The following KIAA0319L variants were observed in gnomAD, a reference collection of about 807,000 sequenced individuals.
KIAA0319L encodes dyslexia-associated protein KIAA0319-like protein.
In KIAA0319L, 55 loss-of-function variants were observed where a neutral mutation model predicts 120.1. The ratio of observed to expected loss-of-function variants is 0.46; its 90% CI spans 0.37 to 0.57. The LOEUF is 0.57. KIAA0319L is among the 20% of genes least tolerant of loss of function. KIAA0319L has a pLI of 0.00. For synonymous variants in KIAA0319L, 398 were observed against 471.9 expected (o/e 0.84, Z 2.03); for missense variants, 1,049 against 1,255.3 (o/e 0.84, Z 2.48).
intron 8 of KIAA0319L, among the ~76,000 whole-genome samples, chr1:35,461,977 TCAAAA>T (rs200765617): frequency 9.9e-5 from 15 of 151,998 alleles, no homozygotes; most frequent in East Asian, 1.9e-4. Flanking sequence ...TCTCAAAAAA[TCAAAA>T]CAAAACAAAA....
intron 16 of KIAA0319L, 44 bp from the exon 17 acceptor site, chr1:35,444,347 ACCTGCAG>A: frequency 6.6e-7 from 1 of 1,522,360 alleles, no homozygotes. Context: ...AGCGGTCCAT[ACCTGCAG>A]CAACAGCTAA....
chr1:35,529,514 G>A (rs1284573427), intron 2 of KIAA0319L, among the ~76,000 whole-genome samples: 8 of 152,130 alleles, frequency 5.3e-5, no homozygotes, highest in African/African-American at 1.7e-4. Flanking sequence ...TGAATTATCT[G>A]TTTTTCCCTG....
chr1:35,450,229 C>T, intron 14 of KIAA0319L, 129 bp downstream of exon 14: 1 of 1,115,690 alleles, frequency 9.0e-7, no homozygotes, highest in East Asian at 2.4e-5. Context: ...CAAGTCACTT[C>T]ACCTCCCTGG....
At chr1:35,441,229 G>T in intron 19 of KIAA0319L, 91 bp from the exon 20 acceptor site, 1 of 1,098,416 alleles carries the variant, frequency 9.1e-7, no homozygotes, top group Non-Finnish European at 1.4e-6. Context: ...GCCCTATTTT[G>T]GTGGGGCACC....
chr1:35,454,073 A>T (rs1297767537), intron 11 of KIAA0319L, among the ~76,000 whole-genome samples: 3 of 152,170 alleles, frequency 2.0e-5, no homozygotes, highest in Non-Finnish European at 4.4e-5. Context: ...GAATGGCAAA[A>T]ACCGCAATTA....
Position 35,496,991 on chromosome 1 carries a change from T to A in KIAA0319L, c.666+9621A>T, listed in dbSNP as rs530337083. ...AAAAAGCAGCTACTGGCATATGTTA[T>A]GACATGAATGGACATAAAAACATTA... On this transcript the variant is annotated intron_variant, in intron 3 of 20. Coordinates refer to ENST00000325722, the MANE Select transcript of KIAA0319L (RefSeq NM_024874.5). 4.9e-4 allele frequency among the ~76,000 whole-genome samples: 73 copies of A among 147,850 alleles called. 1 individual carries two copies. Among genetic ancestry groups the A allele is most frequent in the Admixed American group, 1.3e-3 (19 of 14,832 alleles).
In KIAA0319L at chr1:35,479,044, G is replaced by A. The variant is rs1644030351; in HGVS notation, c.835C>T (p.Gln279Ter). The stretch of plus-strand genomic sequence containing the variant: ...TAACTGTAGGAGGGAGCCACTGGCT[G>A]GGGGACAGCAATCTGGGTTTTCTCA... Reference protein sequence around the residue: ...SSEKTQIAVPQPVAPSYSYAT... With the variant: ...SSEKTQIAVP The change falls in exon 4 of 21, where the codon CAG becomes TAG. Residue 279 changes from glutamine to a stop codon, truncating the protein, a stop_gained. Coordinates refer to ENST00000325722, the MANE Select transcript of KIAA0319L (RefSeq NM_024874.5). LOFTEE classifies it high-confidence loss of function. The A allele has an allele frequency of 6.2e-7, 1 of 1,614,016 alleles. No homozygotes were observed. Among genetic ancestry groups the A allele is most frequent in the Non-Finnish European group, 8.5e-7 (1 of 1,179,982 alleles).
chr1:35,486,376 G>GAAAA (rs899924972), intron 3 of KIAA0319L, among the ~76,000 whole-genome samples: 6 of 52,062 alleles, frequency 1.2e-4, no homozygotes, highest in African/African-American at 2.9e-4. Flanking sequence ...CCTGTCTCAA[G>GAAAA]AAAAAAAAAA....
intron 3 of KIAA0319L, among the ~76,000 whole-genome samples, chr1:35,499,443 G>T (rs1439380447): frequency 3.9e-5 from 6 of 152,068 alleles, no homozygotes; most frequent in Admixed American, 2.0e-4. Flanking sequence ...ATGCAGACTG[G>T]CCCCTCACTA....
intron 6 of KIAA0319L, among the ~76,000 whole-genome samples, chr1:35,468,378 G>C (rs545974376): frequency 1.3e-5 from 2 of 152,100 alleles, no homozygotes; most frequent in Admixed American, 6.6e-5. Context: ...CACTCTCCCT[G>C]GTTGATTTTA....
intron 3 of KIAA0319L, among the ~76,000 whole-genome samples, chr1:35,495,165 G>C (rs1208446315): frequency 6.6e-6 from 1 of 152,112 alleles, no homozygotes; most frequent in Non-Finnish European, 1.5e-5. Context: ...CTGAGGTCAG[G>C]AGTTTGAGAC....
chr1:35,447,034 T>C (rs1009079732), intron 16 of KIAA0319L, among the ~76,000 whole-genome samples: 1 of 152,196 alleles, frequency 6.6e-6, no homozygotes, highest in Non-Finnish European at 1.5e-5. Flanking sequence ...TCACATTTGC[T>C]ATCTCACTCA....
chr1:35,443,248 CTTG>C (rs1641360025), intron 17 of KIAA0319L: 1 of 538,218 alleles, frequency 1.9e-6, no homozygotes, highest in Non-Finnish European at 3.3e-6. Context: ...CCTGTCTTCA[CTTG>C]TTGTTTGTCT....
intron 3 of KIAA0319L, among the ~76,000 whole-genome samples, chr1:35,493,946 T>C (rs930416176): frequency 4.6e-5 from 7 of 152,166 alleles, no homozygotes; most frequent in African/African-American, 1.4e-4. Context: ...AGAGATACAC[T>C]GTGCTCATGG....
At chr1:35,436,168 C>G (rs995771430) in intron 20 of KIAA0319L, among the ~76,000 whole-genome samples, 2 of 152,182 alleles carry the variant, frequency 1.3e-5, no homozygotes, top group African/African-American at 4.8e-5. Context: ...AGAGGATTCC[C>G]AGCCATTCAG....
At chr1:35,526,313 ATATGTG>A (rs1436343665) in intron 2 of KIAA0319L, among the ~76,000 whole-genome samples, 2 of 147,088 alleles carry the variant, frequency 1.4e-5, no homozygotes, top group Non-Finnish European at 3.0e-5. Flanking sequence ...ACATATATAC[ATATGTG>A]TATGTGTGTG....
intron 9 of KIAA0319L, among the ~76,000 whole-genome samples, chr1:35,459,907 T>G (rs762767507): frequency 6.6e-6 from 1 of 152,026 alleles, no homozygotes; most frequent in Non-Finnish European, 1.5e-5. Flanking sequence ...ACATAAAGAT[T>G]ATGAGGTACG....
At chr1:35,513,949 T>A (rs1445369103) in intron 2 of KIAA0319L, among the ~76,000 whole-genome samples, 1 of 152,198 alleles carries the variant, frequency 6.6e-6, no homozygotes, top group East Asian at 1.9e-4. Flanking sequence ...AGAAATATTT[T>A]AAAAATATAT....
At position 35,473,080 on chromosome 1, in the gene KIAA0319L, CTTT is replaced by C. The variant is rs962861379; in HGVS notation, c.1015+1722_1015+1724del. Among the ~76,000 whole-genome samples, 69 of 90,468 alleles carry C rather than the reference CTTT, an allele frequency of 7.6e-4. 1 individual carries two copies. The East Asian group carries it at 0.016, about 21-fold the overall frequency. The allele number at this position is 90,468 out of a possible 152,430, so 59.4% of individuals were successfully genotyped here. A position where few individuals can be genotyped will look rare whatever the true frequency, so the allele number is the denominator to read the frequency against. ...ACAGGCATGAGCCACTGCGCCCAGC[CTTT>C]TTTTTTTTTTTTTTTTTTTTCTTTT... is the stretch of plus-strand genomic sequence containing the variant. On this transcript the variant is annotated intron_variant, in intron 5 of 20. Coordinates refer to ENST00000325722, the MANE Select transcript of KIAA0319L (RefSeq NM_024874.5).
Sources: gnomAD v4.1 joint callset for allele counts (sites outside exome capture counted in the v4.1 genomes callset) on GRCh38, gnomAD v4.1.1 for gene constraint, MANE v1.5 for transcripts, NCBI Gene and HGNC (gene_info 2026-07-23, HGNC 2026-07-21) for gene names.